CBR4: variants seen among roughly 807,000 people sequenced by gnomAD.
The protein encoded by CBR4 is 3-oxoacyl-[acyl-carrier-protein] reductase.
A neutral mutation model predicts 21.0 loss-of-function variants in CBR4; 22 were observed. That is an observed-to-expected ratio of 1.05 (90% CI 0.75 to 1.50). The LOEUF is 1.50. Among genes scored for constraint, CBR4 ranks in the 40% most tolerant of loss-of-function variants. The probability of loss-of-function intolerance (pLI) is 0.00; values close to 1 mark genes in which losing one functional copy is unlikely to be tolerated. For missense variants in CBR4, 302 were observed against 286.3 expected, an observed-to-expected ratio of 1.05 and a Z score of -0.40; for synonymous variants, 100 against 104.4, an observed-to-expected ratio of 0.96 and a Z score of 0.26.
chr4:168,899,403 A>C (rs1211518794), intron 2 of CBR4, among the ~76,000 whole-genome samples: 4 of 152,210 alleles, frequency 2.6e-5, no homozygotes, highest in African/African-American at 9.6e-5. Context: ...AGAATAAAAA[A>C]AAGGGAAAAA....
At chr4:168,961,346 TAA>T (rs941884135) in intron 2 of CBR4, among the ~76,000 whole-genome samples, 1 of 152,170 alleles carries the variant, frequency 6.6e-6, no homozygotes, top group African/African-American at 2.4e-5. Context: ...GTCTTGTATG[TAA>T]AGAGTTGTCT....
At chr4:168,900,348 T>C (rs1257426934) in intron 2 of CBR4, among the ~76,000 whole-genome samples, 1 of 152,106 alleles carries the variant, frequency 6.6e-6, no homozygotes, top group Non-Finnish European at 1.5e-5. Flanking sequence ...TGCACAATAT[T>C]GAACAATCTT....
chr4:168,934,898 A>G (rs568408105), intron 2 of CBR4, among the ~76,000 whole-genome samples: 22 of 152,346 alleles, frequency 1.4e-4, no homozygotes, highest in African/African-American at 4.6e-4. Context: ...ACTACAGACC[A>G]ATATCCCTAA....
chr4:168,941,312 T>C (rs539833903), intron 2 of CBR4, among the ~76,000 whole-genome samples: 34 of 152,224 alleles, frequency 2.2e-4, no homozygotes, highest in Non-Finnish European at 4.0e-4. Flanking sequence ...TCCCAGAATT[T>C]AAAGTACAAT....
At chr4:168,898,220 T>A in intron 2 of CBR4, 1 of 480,562 alleles carries the variant, frequency 2.1e-6, no homozygotes, top group East Asian at 3.9e-5. Context: ...TCCCCTTGTT[T>A]CCCCTCGCCT....
intron 2 of CBR4, among the ~76,000 whole-genome samples, chr4:168,930,468 T>C (rs886650773): frequency 2.6e-5 from 4 of 152,202 alleles, no homozygotes; most frequent in African/African-American, 9.7e-5. Flanking sequence ...GATTTACTTC[T>C]ATTGGCAGGG....
chr4:168,896,552 A>G (rs1466829938), intron 2 of CBR4: 2 of 1,491,706 alleles, frequency 1.3e-6, no homozygotes, highest in Non-Finnish European at 1.8e-6. Flanking sequence ...ATTACAGGAC[A>G]TTGGTTCTCC....
intron 2 of CBR4, among the ~76,000 whole-genome samples, chr4:168,969,995 T>G (rs370121832): frequency 1.3e-4 from 20 of 152,332 alleles, no homozygotes; most frequent in African/African-American, 4.8e-4. Flanking sequence ...GATTTGCATA[T>G]CTCTAGTGTG....
At chr4:168,970,595 T>C (rs1235288352) in intron 2 of CBR4, among the ~76,000 whole-genome samples, 2 of 152,206 alleles carry the variant, frequency 1.3e-5, no homozygotes, top group African/African-American at 4.8e-5. Flanking sequence ...ACCTGAGCAG[T>C]GTACACTGCA....
chr4:168,898,779 T>C (rs1755819381), intron 2 of CBR4: 7 of 991,740 alleles, frequency 7.1e-6, no homozygotes, highest in South Asian at 1.3e-5. Flanking sequence ...TTCCAAAACA[T>C]AGCATGCCAG....
chr4:168,965,410 C>T (rs1763991892), intron 2 of CBR4, among the ~76,000 whole-genome samples: 1 of 152,160 alleles, frequency 6.6e-6, no homozygotes, highest in Non-Finnish European at 1.5e-5. Context: ...CTTTAAACTT[C>T]ATATGGAACC....
chr4:168,936,600 G>A (rs1763118776), intron 2 of CBR4, among the ~76,000 whole-genome samples: 1 of 152,088 alleles, frequency 6.6e-6, no homozygotes, highest in African/African-American at 2.4e-5. Flanking sequence ...ATGACCTGAT[G>A]GAGCTGAAAA....
chr4:168,929,422 T>G (rs1216194283), intron 2 of CBR4, among the ~76,000 whole-genome samples: 1 of 152,220 alleles, frequency 6.6e-6, no homozygotes, highest in Non-Finnish European at 1.5e-5. Flanking sequence ...TATTTCACAT[T>G]GTCTTCTATA....
intron 2 of CBR4, among the ~76,000 whole-genome samples, chr4:168,961,136 T>C (rs771749418): frequency 2.0e-5 from 3 of 152,224 alleles, no homozygotes; most frequent in Non-Finnish European, 4.4e-5. Context: ...TGACGCTTTC[T>C]TTGTCCTATT....
chr4:168,900,812 C>A (rs894924403), intron 2 of CBR4, among the ~76,000 whole-genome samples: 12 of 152,150 alleles, frequency 7.9e-5, no homozygotes, highest in Admixed American at 1.3e-4. Flanking sequence ...TGTTATCAAA[C>A]GCATGTATTA....
At chr4:168,902,998 A>G (rs1030890485) in intron 2 of CBR4, among the ~76,000 whole-genome samples, 3 of 152,090 alleles carry the variant, frequency 2.0e-5, no homozygotes, top group Non-Finnish European at 4.4e-5. Context: ...CCTGGGCTTG[A>G]GCAATCCTCC....
intron 2 of CBR4, among the ~76,000 whole-genome samples, chr4:168,953,913 C>G (rs1763615827): frequency 6.6e-6 from 1 of 152,026 alleles, no homozygotes; most frequent in Admixed American, 6.6e-5. Flanking sequence ...ACACTGCATC[C>G]AGGAAACAAG....
In CBR4 at chr4:168,903,562, A is replaced by AAAATTT. The variant is rs1757007983; in HGVS notation, n.170-8798_170-8797insAAATTT. 3.9e-5 allele frequency among the ~76,000 whole-genome samples: 6 copies of AAAATTT among 152,332 alleles called. No individual in the cohort carries two copies. The South Asian group carries it at 1.2e-3, about 32-fold the overall frequency. ...AAACAAAAGGAAGATATATAATTTA[A>AAAATTT]AAACTCAAATAGAATTTAAATTGTT... On this transcript the variant is annotated intron_variant and non_coding_transcript_variant, in intron 2 of 3. Coordinates refer to the CBR4 transcript ENST00000509108.
intron 2 of CBR4, among the ~76,000 whole-genome samples, chr4:168,895,506 A>G (rs1440312860): frequency 6.6e-6 from 1 of 152,276 alleles, no homozygotes; most frequent in Non-Finnish European, 1.5e-5. Flanking sequence ...TCTGTATGTT[A>G]TATGTATTAT....
Sources: allele counts gnomAD v4.1 joint callset (sites outside exome capture counted in the v4.1 genomes callset), GRCh38; gene constraint gnomAD v4.1.1; transcripts MANE v1.5; gene names NCBI Gene and HGNC (gene_info 2026-07-23, HGNC 2026-07-21).